Variants in SFMBT2 observed in about 807,000 individuals in gnomAD.
SFMBT2 encodes scm-like with four MBT domains protein 2.
SFMBT2 carries 38 observed loss-of-function variants against 110.1 expected under a neutral mutation model. The observed-to-expected ratio is 0.35, with a 90% CI of 0.27 to 0.45. SFMBT2 has a LOEUF of 0.45. Ranked by LOEUF, SFMBT2 falls within the 20% of genes least tolerant of loss-of-function variation. The pLI, the probability that SFMBT2 is intolerant of heterozygous loss-of-function variation, is 1.00. For missense variants in SFMBT2, 1,011 were observed against 1,094.9 expected, an observed-to-expected ratio of 0.92 and a Z score of 1.08; for synonymous variants, 425 against 425.4, an observed-to-expected ratio of 1.00 and a Z score of 0.01.
intron 7 of SFMBT2, among the ~76,000 whole-genome samples, chr10:7,265,355 C>T (rs1054764817): frequency 3.3e-5 from 5 of 152,112 alleles, no homozygotes; most frequent in African/African-American, 1.2e-4. Context: ...GCGCATGCCA[C>T]CACGCCCGAC....
intron 4 of SFMBT2, among the ~76,000 whole-genome samples, chr10:7,317,136 C>G (rs1222955780): frequency 1.3e-5 from 2 of 152,114 alleles, no homozygotes; most frequent in African/African-American, 4.8e-5. Context: ...CTCGTGCCCC[C>G]TCCCCCAGGG....
intron 17 of SFMBT2, among the ~76,000 whole-genome samples, chr10:7,173,737 T>G (rs754984790): frequency 6.6e-6 from 1 of 152,206 alleles, no homozygotes; most frequent in Non-Finnish European, 1.5e-5. Context: ...TCCCACTATG[T>G]GATGCCCATG....
intron 4 of SFMBT2, among the ~76,000 whole-genome samples, chr10:7,352,880 G>A (rs1844369829): frequency 6.6e-6 from 1 of 152,082 alleles, no homozygotes; most frequent in Non-Finnish European, 1.5e-5. Context: ...GCGTGATGGT[G>A]GGCACCTGTA....
At chr10:7,263,690 G>A (rs1459306945) in intron 7 of SFMBT2, among the ~76,000 whole-genome samples, 1 of 152,224 alleles carries the variant, frequency 6.6e-6, no homozygotes, top group Non-Finnish European at 1.5e-5. Flanking sequence ...CCTGGAGAAT[G>A]TAAGTGTCCC....
intron 11 of SFMBT2, chr10:7,206,470 C>G (rs898741829): frequency 3.0e-6 from 3 of 985,262 alleles, no homozygotes; most frequent in Non-Finnish European, 3.6e-6. Context: ...GAGCAGTGTA[C>G]GTGGACAAGG....
intron 4 of SFMBT2, among the ~76,000 whole-genome samples, chr10:7,339,475 A>G (rs904245684): frequency 6.6e-6 from 1 of 152,214 alleles, no homozygotes; most frequent in African/African-American, 2.4e-5. Context: ...TGAAACAACT[A>G]TAATTTGACT....
chr10:7,263,060 T>C (rs2692777), intron 7 of SFMBT2, among the ~76,000 whole-genome samples: 135,227 of 152,152 alleles, frequency 0.89, 60,197 homozygotes, highest in East Asian at 0.92. Flanking sequence ...GGGGAGCACG[T>C]ACTCTGCAGA....
chr10:7,202,501 G>C lies in SFMBT2; in HGVS notation c.1466C>G (p.Ala489Gly). The stretch of plus-strand genomic sequence containing the variant: ...GTACTGTTTCTCTGGTTGCACGACT[G>C]CAATCTTTCTCTTCTTTTGTGCTGT... The part of the protein sequence containing the change: ...KTVSQKKRKI[A>G]VVQPEKQLPP... Residue 489 changes from alanine (A) to glycine (G), a missense_variant, in exon 13 of 21, where the codon GCA (alanine) becomes GGA (glycine). This residue lies in a region of SFMBT2 where 979 missense variants were observed against 1,016.1 expected (regional missense o/e 0.96). Transcript: ENST00000397167. 1 of 1,614,192 alleles carries C rather than the reference G, an allele frequency of 6.2e-7. No individual in the cohort carries two copies. Among genetic ancestry groups the C allele is most frequent in the Non-Finnish European group, 8.5e-7 (1 of 1,180,022 alleles).
chr10:7,205,475 C>T, intron 12 of SFMBT2: 1 of 984,878 alleles, frequency 1.0e-6, no homozygotes, highest in Non-Finnish European at 1.2e-6. Flanking sequence ...AAAATCAGTT[C>T]TTTTAAAGAA....
chr10:7,261,342 A>G (rs1252415641), intron 7 of SFMBT2, among the ~76,000 whole-genome samples: 1 of 152,226 alleles, frequency 6.6e-6, no homozygotes, highest in Non-Finnish European at 1.5e-5. Context: ...AAACGTCCTC[A>G]AGGTGAGTGG....
intron 4 of SFMBT2, among the ~76,000 whole-genome samples, chr10:7,308,617 T>C (rs1842761098): frequency 6.6e-6 from 1 of 152,068 alleles, no homozygotes. Context: ...ACAGAAAGAA[T>C]GTAAGGTGAA....
At chr10:7,321,560 CT>C (rs1843189768) in intron 4 of SFMBT2, among the ~76,000 whole-genome samples, 1 of 152,196 alleles carries the variant, frequency 6.6e-6, no homozygotes, top group Non-Finnish European at 1.5e-5. Context: ...AATATCCCAT[CT>C]TAAGGTGCAC....
At chr10:7,166,151 T>C (rs769526212) in intron 20 of SFMBT2, among the ~76,000 whole-genome samples, 10 of 152,240 alleles carry the variant, frequency 6.6e-5, no homozygotes, top group South Asian at 2.1e-4. Context: ...ATGACATCCA[T>C]AGAACAGGAA....
At chr10:7,345,732 C>T (rs1844089353) in intron 4 of SFMBT2, among the ~76,000 whole-genome samples, 1 of 152,234 alleles carries the variant, frequency 6.6e-6, no homozygotes, top group African/African-American at 2.4e-5. Flanking sequence ...AACAAGCTGC[C>T]TAGCAGCAAA....
intron 4 of SFMBT2, among the ~76,000 whole-genome samples, chr10:7,333,146 T>C (rs1212275844): frequency 2.6e-5 from 4 of 152,142 alleles, no homozygotes; most frequent in African/African-American, 9.7e-5. Flanking sequence ...GGATTATAGG[T>C]GTGAGCCACT....
At chr10:7,205,991 A>G in intron 11 of SFMBT2, 63 bp from the exon 12 acceptor site, 1 of 1,600,080 alleles carries the variant, frequency 6.2e-7, no homozygotes. Flanking sequence ...AAATAGAAGG[A>G]CAACAATAAT....
At chr10:7,213,382 G>A (rs1305588984) in intron 11 of SFMBT2, among the ~76,000 whole-genome samples, 3 of 152,152 alleles carry the variant, frequency 2.0e-5, no homozygotes, top group East Asian at 3.9e-4. Context: ...TGAAATCACA[G>A]AGCCAGGGAG....
At position 7,334,902 on chromosome 10, in the gene SFMBT2, T is replaced by G. The variant is rs142010144; in HGVS notation, c.436+32747A>C. On this transcript the variant is annotated intron_variant, in intron 4 of 20. Coordinates refer to ENST00000397167, the MANE Select transcript of SFMBT2 (RefSeq NM_001387889.1). ...ACCTAGAACCTGCCATCCAGGAGTTTACCAGGGAAATGATCACAGAAATTA... is the reference window on the plus strand; with the variant it reads ...ACCTAGAACCTGCCATCCAGGAGTTGACCAGGGAAATGATCACAGAAATTA... 5.8e-3 allele frequency among the ~76,000 whole-genome samples: 888 copies of G among 152,254 alleles called. 6 individuals carry two copies. Among genetic ancestry groups the G allele is most frequent in the African/African-American group, 0.019 (809 of 41,536 alleles).
chr10:7,406,383 C>T (rs573620227), intron 1 of SFMBT2, among the ~76,000 whole-genome samples: 1 of 151,618 alleles, frequency 6.6e-6, no homozygotes, highest in Non-Finnish European at 1.5e-5. Flanking sequence ...TTACATAGAA[C>T]CTCATTTTCT....
Sources: allele counts gnomAD v4.1 joint callset (sites outside exome capture counted in the v4.1 genomes callset), GRCh38; gene constraint gnomAD v4.1.1; regional missense constraint gnomAD v4.1.1; transcripts MANE v1.5; gene names NCBI Gene and HGNC (gene_info 2026-07-23, HGNC 2026-07-21).